Variants in HFM1 observed in about 807,000 individuals in gnomAD.
HFM1 encodes probable ATP-dependent DNA helicase HFM1.
A neutral mutation model predicts 192.1 loss-of-function variants in HFM1; 169 were observed. The observed-to-expected ratio is 0.88, with a 90% CI of 0.78 to 1.00. The LOEUF is 1.00. Ranked by LOEUF, HFM1 falls within the 50% of genes least tolerant of loss-of-function variation. The pLI is 0.00. For missense variants in HFM1, 1,661 were observed against 1,668.0 expected, an observed-to-expected ratio of 1.00 and a Z score of 0.07; for synonymous variants, 525 against 537.8, an observed-to-expected ratio of 0.98 and a Z score of 0.33.
At chr1:91,364,630 A>ATTTTTTTTTTTT (rs369717640) in intron 13 of HFM1, among the ~76,000 whole-genome samples, 1 of 74,156 alleles carries the variant, frequency 1.3e-5, no homozygotes, top group African/African-American at 5.4e-5. Flanking sequence ...ATATATATAT[A>ATTTTTTTTTTTT]TATTTTTTTT....
At chr1:91,352,464 A>T in intron 16 of HFM1, 42 bp downstream of exon 16, 2 of 1,478,346 alleles carry the variant, frequency 1.4e-6, no homozygotes, top group Admixed American at 2.3e-5. Flanking sequence ...TTTTGTTTTT[A>T]TCATGTTTTT....
intron 3 of HFM1, among the ~76,000 whole-genome samples, chr1:91,395,382 A>G (rs1358742005): frequency 2.0e-5 from 3 of 152,224 alleles, no homozygotes; most frequent in Non-Finnish European, 4.4e-5. Context: ...ACACGTATGT[A>G]TGTGTATTAT....
At chr1:91,289,263 G>A (rs576645153) in intron 30 of HFM1, among the ~76,000 whole-genome samples, 16 of 151,636 alleles carry the variant, frequency 1.1e-4, no homozygotes, top group South Asian at 6.3e-4. Context: ...CATCTCAGAC[G>A]GGGCGGCGGG....
At chr1:91,316,862 A>T (rs1285171308) in intron 25 of HFM1, among the ~76,000 whole-genome samples, 2 of 152,196 alleles carry the variant, frequency 1.3e-5, no homozygotes, top group African/African-American at 4.8e-5. Flanking sequence ...CTGCTTTATG[A>T]AGCTATGGCT....
chr1:91,290,902 C>T (rs1668665933), intron 30 of HFM1, among the ~76,000 whole-genome samples: 1 of 152,146 alleles, frequency 6.6e-6, no homozygotes, highest in Admixed American at 6.5e-5. Flanking sequence ...GAATCTCATT[C>T]AGAACCGCTC....
intron 13 of HFM1, among the ~76,000 whole-genome samples, chr1:91,368,489 G>A (rs1659701426): frequency 6.6e-6 from 1 of 152,094 alleles, no homozygotes; most frequent in Non-Finnish European, 1.5e-5. Flanking sequence ...TTCATATCCA[G>A]CCAAACTAAG....
chr1:91,268,889 C>G (rs1336445865), intron 34 of HFM1, among the ~76,000 whole-genome samples: 1 of 151,974 alleles, frequency 6.6e-6, no homozygotes, highest in Non-Finnish European at 1.5e-5. Flanking sequence ...ATTAATAAAA[C>G]AACAAAGACA....
At chr1:91,291,539 C>A (rs1668755665) in intron 30 of HFM1, among the ~76,000 whole-genome samples, 1 of 152,116 alleles carries the variant, frequency 6.6e-6, no homozygotes, top group Admixed American at 6.5e-5. Context: ...ATAACAGGAG[C>A]TGAAATTGTG....
At chr1:91,349,537 C>G (rs1656653858) in intron 18 of HFM1, among the ~76,000 whole-genome samples, 1 of 152,148 alleles carries the variant, frequency 6.6e-6, no homozygotes, top group Non-Finnish European at 1.5e-5. Flanking sequence ...AGTCAGCTGC[C>G]ATGCTATGAG....
rs562077310 is a variant in HFM1, at chr1:91,264,664, C to T, written c.3974+1353G>A. ...CTGGGATTACAAGCGTGAGCCACCGCGAGTATTTTTTTAAAGCAGAGAAAT... is the reference window on the plus strand; with the variant it reads ...CTGGGATTACAAGCGTGAGCCACCGTGAGTATTTTTTTAAAGCAGAGAAAT... On this transcript the variant is annotated intron_variant, in intron 36 of 38. Transcript: ENST00000370425. Among the ~76,000 whole-genome samples the T allele has an allele frequency of 9.2e-5, 14 of 151,902 alleles. 1 individual carries two copies. In the South Asian group the frequency reaches 2.7e-3, roughly 29 times the overall value.
At chr1:91,378,542 GA>G in intron 9 of HFM1, 62 bp from the exon 10 acceptor site, 1 of 1,010,750 alleles carries the variant, frequency 9.9e-7, no homozygotes, top group Non-Finnish European at 1.5e-6. Context: ...TAAATATTAA[GA>G]TATCAAAAAC....
intron 30 of HFM1, among the ~76,000 whole-genome samples, chr1:91,289,697 C>G (rs1668489441): frequency 6.6e-6 from 1 of 152,036 alleles, no homozygotes; most frequent in African/African-American, 2.4e-5. Context: ...CCGTCTCTAC[C>G]AAAAAATACA....
intron 35 of HFM1, among the ~76,000 whole-genome samples, chr1:91,267,373 T>C (rs1338184553): frequency 6.6e-6 from 1 of 152,174 alleles, no homozygotes; most frequent in Admixed American, 6.5e-5. Context: ...TAAAAATGTA[T>C]TTTTTTGTTC....
intron 4 of HFM1, among the ~76,000 whole-genome samples, chr1:91,389,749 G>A (rs906747365): frequency 6.6e-6 from 1 of 152,116 alleles, no homozygotes; most frequent in Non-Finnish European, 1.5e-5. Context: ...TTAAGAAAAT[G>A]AGATACACCA....
At position 91,385,764 on chromosome 1, in the gene HFM1, C is replaced by T; in HGVS notation, c.565G>A (p.Gly189Ser). 1.2e-6 allele frequency: 2 copies of T among 1,608,970 alleles called. No homozygotes were observed. Among genetic ancestry groups the T allele is most frequent in the South Asian group, 1.1e-5 (1 of 90,964 alleles). ...TCTGTTTGTACAATTTTCACTGAGC[C>T]AATGTGAGAGTCCAATTCATTGTCA... ...SNDNELDSHI[G>S]SVKIVQTEMN... is the part of the protein sequence containing the mutation. Residue 189 changes from glycine (G) to serine (S), a missense_variant, in exon 5 of 39, where the codon GGC becomes AGC. By Grantham distance (56) the Gly-to-Ser change is moderately conservative (BLOSUM62 0). Transcript: ENST00000370425.
At chr1:91,316,238 T>C in intron 26 of HFM1, 54 bp from the exon 27 acceptor site, 2 of 1,188,018 alleles carry the variant, frequency 1.7e-6, no homozygotes, top group East Asian at 2.4e-5. Flanking sequence ...ATTCTTTTAG[T>C]AAAATATTTT....
At chr1:91,375,825 A>G in intron 11 of HFM1, 98 bp from the exon 12 acceptor site, 3 of 866,538 alleles carry the variant, frequency 3.5e-6, no homozygotes, top group Non-Finnish European at 5.6e-6. Flanking sequence ...TCAAGCTATA[A>G]AAGTATTTAA....
chr1:91,399,372 C>G (rs282005), intron 2 of HFM1, among the ~76,000 whole-genome samples: 152,103 of 152,334 alleles, frequency 1, 75,936 homozygotes, highest in Non-Finnish European at 1. Flanking sequence ...ATTATACCTA[C>G]AGTTTTATTT....
intron 4 of HFM1, among the ~76,000 whole-genome samples, chr1:91,387,968 A>G (rs1662457948): frequency 6.6e-6 from 1 of 151,654 alleles, no homozygotes; most frequent in Non-Finnish European, 1.5e-5. Context: ...ACAAACAAAC[A>G]AAAAAAAGAA....
Sources: gnomAD v4.1 joint callset for allele counts (sites outside exome capture counted in the v4.1 genomes callset) on GRCh38, gnomAD v4.1.1 for gene constraint, MANE v1.5 for transcripts, NCBI Gene and HGNC (gene_info 2026-07-23, HGNC 2026-07-21) for gene names.